GTF2E1: variants seen among roughly 807,000 people sequenced by gnomAD.
The protein encoded by GTF2E1 is general transcription factor IIE subunit 1.
GTF2E1 carries 14 observed loss-of-function variants against 34.9 expected under a neutral mutation model. The observed-to-expected ratio is 0.40, with a 90% CI of 0.27 to 0.63. GTF2E1 has a LOEUF of 0.63. GTF2E1 is among the 20% of genes least tolerant of loss of function. The probability of loss-of-function intolerance (pLI) is 0.39; values close to 1 mark genes in which losing one functional copy is unlikely to be tolerated. For synonymous variants in GTF2E1, 188 were observed against 192.9 expected, an observed-to-expected ratio of 0.97 and a Z score of 0.21; for missense variants, 469 against 557.7, an observed-to-expected ratio of 0.84 and a Z score of 1.60.
intron 1 of GTF2E1, among the ~76,000 whole-genome samples, chr3:120,746,707 G>A (rs938212035): frequency 3.3e-5 from 5 of 152,138 alleles, no homozygotes; most frequent in Admixed American, 1.3e-4. Context: ...TTTGAGGTGG[G>A]AAGATTGCTT....
At chr3:120,762,185 A>C (rs1709270214) in intron 2 of GTF2E1, among the ~76,000 whole-genome samples, 1 of 152,182 alleles carries the variant, frequency 6.6e-6, no homozygotes, top group Non-Finnish European at 1.5e-5. Context: ...AAGAATGTAT[A>C]TTCTGTTGAT....
chr3:120,767,831 A>G (rs1030548221), intron 2 of GTF2E1, among the ~76,000 whole-genome samples: 3 of 152,168 alleles, frequency 2.0e-5, no homozygotes, highest in African/African-American at 7.2e-5. Flanking sequence ...TTATGACTAT[A>G]TACTTTATTT....
chr3:120,763,096 C>G (rs983021867), intron 2 of GTF2E1, among the ~76,000 whole-genome samples: 1 of 152,148 alleles, frequency 6.6e-6, no homozygotes, highest in African/African-American at 2.4e-5. Context: ...TTTTTCCAAG[C>G]TCCCCAATTC....
At chr3:120,770,996 C>A in intron 3 of GTF2E1, 67 bp downstream of exon 3, 1 of 1,274,922 alleles carries the variant, frequency 7.8e-7, no homozygotes, top group Non-Finnish European at 1.1e-6. Context: ...ACTACCTGTA[C>A]CTTGGAGAAC....
chr3:120,744,132 T>G lies in GTF2E1; in HGVS notation c.-31+1338T>G, dbSNP rs192522096. Among the ~76,000 whole-genome samples, 216 of 152,340 alleles carry G rather than the reference T, an allele frequency of 1.4e-3. 2 individuals carry two copies. The highest frequency in any genetic ancestry group is 4.5e-3 in the African/African-American group (187 of 41,582). ...TGGGCTCACTTTTTCCTCAGATATT[T>G]CCAATTTTGCAAGAGGAGCTGGAAG... is the stretch of plus-strand genomic sequence containing the variant. On this transcript the variant is annotated intron_variant, in intron 1 of 4. Coordinates refer to ENST00000283875, the MANE Select transcript of GTF2E1 (RefSeq NM_005513.3).
intron 2 of GTF2E1, among the ~76,000 whole-genome samples, chr3:120,769,453 G>A (rs957031127): frequency 1.8e-4 from 27 of 152,134 alleles, no homozygotes; most frequent in African/African-American, 6.3e-4. Flanking sequence ...GTAATTTTGG[G>A]GAGGATTCAG....
intron 2 of GTF2E1, among the ~76,000 whole-genome samples, chr3:120,755,106 T>G (rs1221091398): frequency 6.6e-6 from 1 of 151,876 alleles, no homozygotes; most frequent in African/African-American, 2.4e-5. Flanking sequence ...TCTTTGATAA[T>G]TAAGTAAGTG....
intron 2 of GTF2E1, among the ~76,000 whole-genome samples, chr3:120,760,280 T>G (rs12493740): frequency 0.012 from 1,820 of 152,346 alleles, 152 homozygotes; most frequent in Admixed American, 0.11. Flanking sequence ...ATTGATTTTG[T>G]GTCCTGAGAC....
chr3:120,774,149 T>C (rs916182854), intron 3 of GTF2E1, among the ~76,000 whole-genome samples: 1 of 152,332 alleles, frequency 6.6e-6, no homozygotes. Context: ...CAGAGAAATA[T>C]GCCTATTCTG....
intron 1 of GTF2E1, among the ~76,000 whole-genome samples, chr3:120,746,863 G>A (rs1709110629): frequency 6.6e-6 from 1 of 152,196 alleles, no homozygotes; most frequent in African/African-American, 2.4e-5. Flanking sequence ...TGTGTGGATA[G>A]TCTAGCCATT....
At chr3:120,761,048 C>G (rs1313719522) in intron 2 of GTF2E1, among the ~76,000 whole-genome samples, 1 of 152,134 alleles carries the variant, frequency 6.6e-6, no homozygotes, top group Non-Finnish European at 1.5e-5. Context: ...GTGTCTGGTC[C>G]TGGACTTTTT....
In GTF2E1 at chr3:120,781,069, G is replaced by A. The variant is rs115409201; in HGVS notation, c.919G>A (p.Glu307Lys). The A allele has an allele frequency of 8.7e-6, 14 of 1,613,472 alleles. No homozygotes were observed. The African/African-American group carries it at 1.7e-4, about 20-fold the overall frequency. The change falls in exon 5 of 5, where the codon GAG becomes AAG. Residue 307 changes from glutamate (E) to lysine (K), a missense_variant. Glu to Lys is a moderately conservative substitution (Grantham distance 56). Coordinates refer to ENST00000283875, the MANE Select transcript of GTF2E1 (RefSeq NM_005513.3). ...EGGIDMDAFQ[E>K]REEGHAGPDD... ...GGGCATAGATATGGACGCATTTCAGGAGCGTGAGGAAGGCCATGCTGGGCC... is the reference window on the plus strand; with the variant it reads ...GGGCATAGATATGGACGCATTTCAGAAGCGTGAGGAAGGCCATGCTGGGCC...
intron 4 of GTF2E1, among the ~76,000 whole-genome samples, chr3:120,778,700 T>C (rs1709421394): frequency 6.6e-6 from 1 of 152,190 alleles, no homozygotes; most frequent in East Asian, 1.9e-4. Flanking sequence ...TTCCAGTATC[T>C]TTCTGGTTTT....
intron 3 of GTF2E1, among the ~76,000 whole-genome samples, chr3:120,773,629 T>C (rs2107612478): frequency 6.6e-6 from 1 of 152,256 alleles, no homozygotes; most frequent in African/African-American, 2.4e-5. Flanking sequence ...TTTTTCATCA[T>C]CTCTTAACAC....
rs1485761963 is a variant in GTF2E1, at chr3:120,776,432, T to C, written c.660T>C (p.His220=). 3.1e-6 allele frequency: 5 copies of C among 1,613,190 alleles called. No individual in the cohort carries two copies. In the South Asian group the frequency reaches 3.3e-5, roughly 11 times the overall value. ...EIPALKQSKD[H]AATTAGAASL... ...TATTCTTTTTATATAGCAAGGACCA[T>C]GCAGCAACTACTGCTGGAGCTGCTA... The change falls in exon 4 of 5, where the codon CAT becomes CAC. Residue 220 remains histidine, a synonymous_variant. Transcript: ENST00000283875.
chr3:120,760,184 CTA>C (rs1436653335), intron 2 of GTF2E1, among the ~76,000 whole-genome samples: 4 of 152,238 alleles, frequency 2.6e-5, no homozygotes, highest in East Asian at 1.9e-4. Context: ...ATTTTATTCT[CTA>C]TGTGGCAATT....
intron 2 of GTF2E1, among the ~76,000 whole-genome samples, chr3:120,760,607 C>G (rs1709251621): frequency 2.0e-5 from 3 of 152,092 alleles, no homozygotes; most frequent in Non-Finnish European, 4.4e-5. Context: ...CCATCAATAC[C>G]TAGTTTATTG....
At chr3:120,772,347 C>T (rs969350189) in intron 3 of GTF2E1, among the ~76,000 whole-genome samples, 3 of 152,062 alleles carry the variant, frequency 2.0e-5, no homozygotes, top group African/African-American at 7.2e-5. Context: ...TGGGGAAGGT[C>T]CCAGAGTTCT....
At chr3:120,767,957 A>G (rs1177066806) in intron 2 of GTF2E1, among the ~76,000 whole-genome samples, 2 of 152,074 alleles carry the variant, frequency 1.3e-5, no homozygotes, top group Non-Finnish European at 2.9e-5. Flanking sequence ...CTTTTCCCCA[A>G]ATAAAAGCAC....
Sources: gnomAD v4.1 joint callset for allele counts (sites outside exome capture counted in the v4.1 genomes callset) on GRCh38, gnomAD v4.1.1 for gene constraint, MANE v1.5 for transcripts, NCBI Gene and HGNC (gene_info 2026-07-23, HGNC 2026-07-21) for gene names.